SETD1B: variants seen among roughly 807,000 people sequenced by gnomAD.
SETD1B encodes histone-lysine N-methyltransferase SETD1B.
In SETD1B, 7 loss-of-function variants were observed where a neutral mutation model predicts 148.0. That is an observed-to-expected ratio of 0.05 (90% CI 0.03 to 0.09). SETD1B has a LOEUF of 0.09. Among genes scored for constraint, SETD1B ranks in the 10% least tolerant of loss-of-function variants. The pLI is 1.00. For missense variants in SETD1B, 2,155 were observed against 2,729.9 expected (o/e 0.79, Z 4.69); for synonymous variants, 1,361 against 1,186.5 (o/e 1.15, Z -3.02).
In SETD1B at chr12:121,810,021, G is replaced by C; in HGVS notation, c.1076G>C (p.Gly359Ala). The C allele has an allele frequency of 6.4e-7, 1 of 1,550,452 alleles. No individual in the cohort carries two copies. The highest frequency in any genetic ancestry group is 8.7e-7 in the Non-Finnish European group (1 of 1,146,928). Residue 359 changes from glycine (G) to alanine (A), a missense_variant, in exon 6 of 17, where the codon GGC (glycine) becomes GCC (alanine). Physicochemically the swap from Gly to Ala is moderately conservative, Grantham distance 60. Coordinates refer to ENST00000604567, the MANE Select transcript of SETD1B (RefSeq NM_001353345.2). This position sits in a 1 kb window ranked among gnomAD's most constrained non-coding sequence, Gnocchi z 7.6. ...SSDLPFGAVG[G>A]TGGSSGPPFK... ...GACCTCCCGTTCGGAGCAGTCGGCG[G>C]CACTGGGGGCAGCAGCGGTCCCCCG... is the stretch of plus-strand genomic sequence containing the variant.
chr12:121,827,893 T>G, intron 15 of SETD1B, 39 bp downstream of exon 15: 1 of 1,552,514 alleles, frequency 6.4e-7, no homozygotes, highest in South Asian at 1.2e-5. Context: ...GGGGTGGGCA[T>G]GGGGCCGGCC....
intron 5 of SETD1B, among the ~76,000 whole-genome samples, chr12:121,809,180 T>C (rs932616685): frequency 1.2e-4 from 19 of 152,302 alleles, no homozygotes; most frequent in Non-Finnish European, 1.0e-4. Context: ...GGCCTCTGTT[T>C]ATCACTTTAA....
intron 10 of SETD1B, among the ~76,000 whole-genome samples, chr12:121,818,639 C>T (rs1876412918): frequency 6.6e-6 from 1 of 151,884 alleles, no homozygotes; most frequent in African/African-American, 2.4e-5. Context: ...GCCTGTAATC[C>T]CAGCACTTTG....
the SETD1B span, among the ~76,000 whole-genome samples, chr12:121,795,087 AC>A: frequency 6.2e-4 from 95 of 152,244 alleles, no homozygotes; most frequent in African/African-American, 2.2e-3. Flanking sequence ...CAAGCAAGGC[AC>A]GGTCTGACCA....
intron 7 of SETD1B, among the ~76,000 whole-genome samples, chr12:121,815,317 C>T (rs991870620): frequency 7.9e-5 from 12 of 152,126 alleles, no homozygotes; most frequent in African/African-American, 1.7e-4. Flanking sequence ...AATTAAAACT[C>T]CTCCTTTGTA....
chr12:121,797,179 C>A, the SETD1B span: 1 of 347,072 alleles, frequency 2.9e-6, no homozygotes, highest in South Asian at 2.1e-5. Flanking sequence ...CAGGCAGAGG[C>A]TGTGTCTCCA....
At chr12:121,793,764 C>T in the SETD1B span, 1 of 774,458 alleles carries the variant, frequency 1.3e-6, no homozygotes, top group Non-Finnish European at 1.9e-6. Context: ...GCCTCCCGGC[C>T]GACCTCCCAG....
upstream of SETD1B, chr12:121,799,731 T>TGGGGGGG (rs1308261766): frequency 1.2e-3 from 39 of 31,722 alleles, 2 homozygotes; most frequent in African/African-American, 3.8e-3. Context: ...GGGGGGGGGG[T>TGGGGGGG]GGGGTGGGGC....
chr12:121,804,863 G>T lies in SETD1B; in HGVS notation c.126G>T (p.Lys42Asn). 6.5e-7 allele frequency: 1 copy of T among 1,550,294 alleles called. No individual in the cohort carries two copies. Among genetic ancestry groups the T allele is most frequent in the Non-Finnish European group, 8.7e-7 (1 of 1,146,524 alleles). The change falls in exon 2 of 17, where the codon AAG (lysine) becomes AAT (asparagine). Residue 42 changes from lysine (K) to asparagine (N), a missense_variant. This residue lies in a region of SETD1B where 124 missense variants were observed against 282.9 expected (regional missense o/e 0.44). Transcript: ENST00000604567. This position sits in a 1 kb window ranked among gnomAD's most constrained non-coding sequence, Gnocchi z 4.6. ...YKLMIDPALK[K>N]GHHKLYRYDG... ...TGATGATTGACCCGGCTCTGAAAAA[G>T]GGGCATCATAAACTGTACCGCTACG...
At chr12:121,815,382 A>G (rs1196685753) in intron 7 of SETD1B, among the ~76,000 whole-genome samples, 1 of 140,452 alleles carries the variant, frequency 7.1e-6, no homozygotes, top group Admixed American at 7.9e-5. Context: ...AGTACACAGG[A>G]TAGCTGGTGC....
In SETD1B at chr12:121,810,853, CAT is replaced by C; in HGVS notation, c.1890+19_1890+20del. On this transcript the variant is annotated intron_variant, in intron 6 of 16. Transcript: ENST00000604567. This position sits in a 1 kb window ranked among gnomAD's most constrained non-coding sequence, Gnocchi z 7.6. ...TGGATGAGGTACCACCGTGTCTGTC[CAT>C]CTGTCTGGGACTGGTTTTGTCTATC... The C allele has an allele frequency of 6.8e-7, 1 of 1,477,372 alleles. No individual in the cohort carries two copies. Among genetic ancestry groups the C allele is most frequent in the Non-Finnish European group, 9.0e-7 (1 of 1,107,936 alleles). The allele number at this position is 1,477,372 out of a possible 1,614,324, so 91.5% of individuals were successfully genotyped here.
Position 121,810,306 on chromosome 12 carries a change from C to T in SETD1B, c.1361C>T (p.Pro454Leu), listed in dbSNP as rs374468869. ...GAGAAGCCAGGCACGCCACCCGGCC[C>T]GCCGCCCCCCGACACCAACAGCATG... ...AKEKPGTPPG[P>L]PPPDTNSMEL... Residue 454 changes from proline (P) to leucine (L), a missense_variant, in exon 6 of 17, where the codon CCG becomes CTG. Pro to Leu is a moderately conservative substitution (Grantham distance 98, BLOSUM62 -3). Coordinates refer to ENST00000604567, the MANE Select transcript of SETD1B (RefSeq NM_001353345.2). This position sits in a 1 kb window ranked among gnomAD's most constrained non-coding sequence, Gnocchi z 7.6. The T allele has an allele frequency of 3.6e-5, 55 of 1,543,168 alleles. No individual in the cohort carries two copies. Among genetic ancestry groups the T allele is most frequent in the African/African-American group, 6.8e-5 (5 of 73,122 alleles).
rs1875620731 is a variant in SETD1B, at chr12:121,804,621, G to A, written c.-14-103G>A. 2 of 980,124 alleles carry A rather than the reference G, an allele frequency of 2.0e-6. No homozygotes were observed. The highest frequency in any genetic ancestry group is 3.0e-6 in the Non-Finnish European group (2 of 669,306). The allele number at this position is 980,124 out of a possible 1,614,324, so 60.7% of individuals were successfully genotyped here. A position where few individuals can be genotyped will look rare whatever the true frequency, so the allele number is the denominator to read the frequency against. ...GCTCCTTTCGGGGCGCGCTGGCAAG[G>A]TGGGAGGGGGTGGGGGCCTGCCGAT... On this transcript the variant is annotated intron_variant, in intron 1 of 16. Coordinates refer to ENST00000604567, the MANE Select transcript of SETD1B (RefSeq NM_001353345.2). This position sits in a 1 kb window ranked among gnomAD's most constrained non-coding sequence, Gnocchi z 4.6.
At chr12:121,828,225 G>T (rs1876935561) in intron 16 of SETD1B, among the ~76,000 whole-genome samples, 155 bp downstream of exon 16, 1 of 152,250 alleles carries the variant, frequency 6.6e-6, no homozygotes, top group Non-Finnish European at 1.5e-5. Context: ...GGACATGTGA[G>T]GTCTTTTACC....
chr12:121,827,237 C>T (rs760818001), intron 13 of SETD1B, among the ~76,000 whole-genome samples: 14 of 151,932 alleles, frequency 9.2e-5, no homozygotes, highest in Non-Finnish European at 1.8e-4. Context: ...GGGTGAGAGC[C>T]AAGGAGGGGG....
chr12:121,809,552 G>A, intron 5 of SETD1B, 51 bp from the exon 6 acceptor site: 2 of 1,490,564 alleles, frequency 1.3e-6, no homozygotes, highest in Non-Finnish European at 1.8e-6. Context: ...AAATAGCCCT[G>A]TTCCATTGCA....
chr12:121,805,349 G>A lies in SETD1B; in HGVS notation c.273+133G>A, dbSNP rs569983901. ...GGCCAGGGAAGTTTTGGCGGGGAGG[G>A]GTAGAGCGCTGGCGAGAGGGTGTCC... On this transcript the variant is annotated intron_variant, in intron 3 of 16. Coordinates refer to ENST00000604567, the MANE Select transcript of SETD1B (RefSeq NM_001353345.2). The surrounding 1 kb of genome is among the most constrained non-coding windows in gnomAD (Gnocchi z 4.2). 5 of 730,464 alleles carry A rather than the reference G, an allele frequency of 6.8e-6. No homozygotes were observed. The highest frequency in any genetic ancestry group is 1.2e-5 in the Non-Finnish European group (5 of 431,072). 45.2% of individuals were successfully genotyped at this position (730,464 alleles called of 1,614,324 possible).
chr12:121,802,744 TAA>T (rs890883947), upstream of SETD1B: 3 of 152,248 alleles, frequency 2.0e-5, no homozygotes, highest in African/African-American at 7.2e-5. Context: ...CAGATCTTTT[TAA>T]AAAGTCTTCT....
At position 121,808,297 on chromosome 12, in the gene SETD1B, C is replaced by A. The variant is rs1466009937; in HGVS notation, c.634C>A (p.Pro212Thr). Residue 212 changes from proline to threonine, a missense_variant, in exon 5 of 17, where the codon CCA becomes ACA. Transcript: ENST00000604567. The surrounding 1 kb of genome is among the most constrained non-coding windows in gnomAD (Gnocchi z 5.3). ...AGTGGGCGAGCTGGACGCTGTCTCTCCAATCGTGAATGAGACCCTGCAGGT... is the reference window on the plus strand; with the variant it reads ...AGTGGGCGAGCTGGACGCTGTCTCTACAATCGTGAATGAGACCCTGCAGGT... ...LPVGELDAVS[P>T]IVNETLQLSD... 6.4e-7 allele frequency: 1 copy of A among 1,550,764 alleles called. No homozygotes were observed. Among genetic ancestry groups the A allele is most frequent in the Non-Finnish European group, 8.7e-7 (1 of 1,146,596 alleles).
Sources: allele counts gnomAD v4.1 joint callset (sites outside exome capture counted in the v4.1 genomes callset), GRCh38; gene constraint gnomAD v4.1.1; regional missense constraint gnomAD v4.1.1; non-coding constraint Gnocchi (gnomAD v3.1); transcripts MANE v1.5; gene names NCBI Gene and HGNC (gene_info 2026-07-23, HGNC 2026-07-21).